The following EHMT1 variants were observed in gnomAD, a reference collection of about 807,000 sequenced individuals.
EHMT1 encodes histone-lysine N-methyltransferase EHMT1.
Under a neutral mutation model 147.2 loss-of-function variants are expected in EHMT1, and 15 were observed. The observed-to-expected ratio is 0.10, with a 90% CI of 0.07 to 0.16. The LOEUF is 0.16. EHMT1 is among the 10% of genes least tolerant of loss of function. The pLI is 1.00. For synonymous variants in EHMT1, 795 were observed against 709.6 expected (o/e 1.12, Z -1.91); for missense variants, 1,587 against 1,772.4 (o/e 0.90, Z 1.88).
At chr9:137,661,208 T>C (rs1199062040) in intron 1 of EHMT1, among the ~76,000 whole-genome samples, 1 of 152,178 alleles carries the variant, frequency 6.6e-6, no homozygotes, top group Non-Finnish European at 1.5e-5. Context: ...GTGTTAACAT[T>C]TTACCACATT....
intron 1 of EHMT1, among the ~76,000 whole-genome samples, chr9:137,649,761 T>C (rs1845174006): frequency 6.6e-6 from 1 of 152,140 alleles, no homozygotes. Flanking sequence ...AAGGAAGTGC[T>C]CTTTTCCTGG....
chr9:137,774,705 C>G (rs1950828398), intron 10 of EHMT1, among the ~76,000 whole-genome samples: 1 of 117,084 alleles, frequency 8.5e-6, no homozygotes. Context: ...GGCACGCCTG[C>G]CCCCTGGATC....
At chr9:137,806,581 G>A (rs1416375966) in intron 18 of EHMT1, among the ~76,000 whole-genome samples, 1 of 151,316 alleles carries the variant, frequency 6.6e-6, no homozygotes, top group African/African-American at 2.4e-5. Flanking sequence ...GATTATAGGC[G>A]CTGGCCACCA....
intron 1 of EHMT1, among the ~76,000 whole-genome samples, chr9:137,662,761 C>T (rs1192352129): frequency 6.7e-6 from 1 of 148,722 alleles, no homozygotes; most frequent in Non-Finnish European, 1.5e-5. Context: ...CGTGAGCCAC[C>T]GCGGCTGGCC....
chr9:137,668,070 C>T (rs1031012858), intron 1 of EHMT1, among the ~76,000 whole-genome samples: 6 of 152,120 alleles, frequency 3.9e-5, no homozygotes, highest in African/African-American at 1.4e-4. Flanking sequence ...GAACAGCTTT[C>T]TTCCTTTCGA....
At chr9:137,829,499 G>A (rs534985656) in intron 25 of EHMT1, among the ~76,000 whole-genome samples, 390 of 152,376 alleles carry the variant, frequency 2.6e-3, no homozygotes, top group Middle Eastern at 0.017. Context: ...TGACGTCAGA[G>A]TGTGCCTGTG....
At chr9:137,790,559 T>G (rs1024003911) in intron 15 of EHMT1, among the ~76,000 whole-genome samples, 2 of 152,216 alleles carry the variant, frequency 1.3e-5, no homozygotes, top group Non-Finnish European at 2.9e-5. Context: ...AGGTTGTCAC[T>G]GTCCTCCTCA....
At chr9:137,816,377 T>A in intron 23 of EHMT1, 4 of 419,272 alleles carry the variant, frequency 9.5e-6, no homozygotes, top group South Asian at 8.3e-5. Flanking sequence ...CGAACATTCT[T>A]CAACAGGTTA....
At chr9:137,792,543 A>G (rs1464077294) in intron 16 of EHMT1, among the ~76,000 whole-genome samples, 4 of 152,168 alleles carry the variant, frequency 2.6e-5, no homozygotes, top group African/African-American at 9.7e-5. Context: ...GGTCTCTACT[A>G]AAAATATAAA....
chr9:137,705,589 C>G (rs748705718), intron 1 of EHMT1, among the ~76,000 whole-genome samples: 1 of 152,198 alleles, frequency 6.6e-6, no homozygotes, highest in Non-Finnish European at 1.5e-5. Context: ...GTCTGTTGCT[C>G]AGGTGGAAAT....
chr9:137,717,977 C>T (rs1435502422), intron 3 of EHMT1, among the ~76,000 whole-genome samples: 1 of 152,264 alleles, frequency 6.6e-6, no homozygotes, highest in Non-Finnish European at 1.5e-5. Context: ...CAGAATGAGT[C>T]TTGAATCCTG....
intron 4 of EHMT1, among the ~76,000 whole-genome samples, chr9:137,735,613 G>A (rs2135914885): frequency 6.6e-6 from 1 of 152,298 alleles, no homozygotes; most frequent in East Asian, 1.9e-4. Flanking sequence ...CAGTGCTATG[G>A]TTTGGATGTG....
chr9:137,823,434 C>T (rs1316934348), intron 25 of EHMT1: 28 of 336,824 alleles, frequency 8.3e-5, no homozygotes, highest in Admixed American at 1.1e-4. Flanking sequence ...TTTTTTGAAA[C>T]GGAGTCTGGC....
chr9:137,636,654 T>C (rs1256575821), intron 1 of EHMT1, among the ~76,000 whole-genome samples: 1 of 152,178 alleles, frequency 6.6e-6, no homozygotes, highest in Non-Finnish European at 1.5e-5. Context: ...GACATGATTA[T>C]GTAGTTTTTT....
chr9:137,688,812 C>T (rs1942679909), intron 1 of EHMT1, among the ~76,000 whole-genome samples: 1 of 152,220 alleles, frequency 6.6e-6, no homozygotes, highest in South Asian at 2.1e-4. Flanking sequence ...ACTGCATGGA[C>T]AGCAGGTGTG....
intron 1 of EHMT1, among the ~76,000 whole-genome samples, chr9:137,634,290 T>C (rs572503837): frequency 2.6e-5 from 4 of 152,238 alleles, no homozygotes; most frequent in Non-Finnish European, 5.9e-5. Context: ...CTCTTACATT[T>C]AAGTCTTTGA....
chr9:137,734,342 G>A (rs1441627122), intron 4 of EHMT1, among the ~76,000 whole-genome samples: 4 of 152,178 alleles, frequency 2.6e-5, no homozygotes, highest in African/African-American at 7.2e-5. Context: ...AGTATAATAA[G>A]TGAAATGAAA....
intron 16 of EHMT1, among the ~76,000 whole-genome samples, chr9:137,796,301 T>C (rs1439194615): frequency 6.6e-6 from 1 of 152,250 alleles, no homozygotes; most frequent in Non-Finnish European, 1.5e-5. Context: ...CATTAAAATT[T>C]AAGAATTTCT....
chr9:137,794,857 A>G (rs970082781), intron 16 of EHMT1, among the ~76,000 whole-genome samples: 6 of 152,200 alleles, frequency 3.9e-5, no homozygotes, highest in Non-Finnish European at 8.8e-5. Flanking sequence ...ATGTTCGGGT[A>G]AAAAAGCAAA....
Sources: allele counts gnomAD v4.1 joint callset (sites outside exome capture counted in the v4.1 genomes callset), GRCh38; gene constraint gnomAD v4.1.1; transcripts MANE v1.5; gene names NCBI Gene and HGNC (gene_info 2026-07-23, HGNC 2026-07-21).